The following LRRTM4 variants were observed in gnomAD, a reference collection of about 807,000 sequenced individuals.
LRRTM4 encodes the protein leucine-rich repeat transmembrane neuronal protein 4.
Under a neutral mutation model 47.6 loss-of-function variants are expected in LRRTM4, and 25 were observed. The ratio of observed to expected loss-of-function variants is 0.53; its 90% CI spans 0.38 to 0.73. LRRTM4 has a LOEUF of 0.73. Ranked by LOEUF, LRRTM4 falls within the 30% of genes least tolerant of loss-of-function variation. The pLI is 0.00. For synonymous variants in LRRTM4, 311 were observed against 269.5 expected (o/e 1.15, Z -1.51); for missense variants, 638 against 713.4 (o/e 0.89, Z 1.20).
intron 3 of LRRTM4, among the ~76,000 whole-genome samples, chr2:76,759,111 T>C (rs1673162960): frequency 6.6e-6 from 1 of 152,188 alleles, no homozygotes; most frequent in Non-Finnish European, 1.5e-5. Flanking sequence ...TTAGGCCTTG[T>C]GCTAGGAGCT....
intron 3 of LRRTM4, among the ~76,000 whole-genome samples, chr2:76,956,889 C>T (rs1263158157): frequency 6.6e-6 from 1 of 151,062 alleles, no homozygotes; most frequent in African/African-American, 2.4e-5. Flanking sequence ...GACTGAATTA[C>T]AAAGAAAATT....
intron 3 of LRRTM4, among the ~76,000 whole-genome samples, chr2:77,503,665 G>C: frequency 6.6e-6 from 1 of 151,460 alleles, no homozygotes; most frequent in Admixed American, 6.6e-5. Flanking sequence ...GATGGAATAA[G>C]AGAATACCAC....
intron 3 of LRRTM4, among the ~76,000 whole-genome samples, chr2:77,178,265 A>C (rs1035349491): frequency 6.6e-6 from 1 of 152,144 alleles, no homozygotes; most frequent in Non-Finnish European, 1.5e-5. Flanking sequence ...AATATGTATA[A>C]ATTTGAAATA....
intron 3 of LRRTM4, among the ~76,000 whole-genome samples, chr2:76,976,041 C>A (rs912603635): frequency 2.6e-5 from 4 of 151,688 alleles, no homozygotes; most frequent in African/African-American, 9.7e-5. Flanking sequence ...TGAATTATAA[C>A]TTTCCTTATG....
chr2:76,946,682 C>G (rs1041028743), intron 3 of LRRTM4, among the ~76,000 whole-genome samples: 1 of 151,740 alleles, frequency 6.6e-6, no homozygotes, highest in African/African-American at 2.4e-5. Flanking sequence ...TAAAGCCTAG[C>G]CAGTTTCCAC....
chr2:77,468,399 A>G (rs552343526), intron 3 of LRRTM4, among the ~76,000 whole-genome samples: 1 of 152,326 alleles, frequency 6.6e-6, no homozygotes, highest in East Asian at 1.9e-4. Context: ...CCTGTCTACA[A>G]GAAGACAAGA....
At chr2:77,498,246 A>C (rs1054300612) in intron 3 of LRRTM4, among the ~76,000 whole-genome samples, 1 of 151,796 alleles carries the variant, frequency 6.6e-6, no homozygotes, top group Non-Finnish European at 1.5e-5. Context: ...CTCCCATATA[A>C]TAGAGGAAAA....
chr2:77,346,257 T>A (rs925647858), intron 3 of LRRTM4, among the ~76,000 whole-genome samples: 2 of 152,128 alleles, frequency 1.3e-5, no homozygotes, highest in African/African-American at 4.8e-5. Flanking sequence ...AAAGTGGTAC[T>A]TGGTGAGGTG....
At position 77,391,639 on chromosome 2, in the gene LRRTM4, C is replaced by T. The variant is rs553199269; in HGVS notation, c.1551+126679G>A. ...TGGAAAGAAACATCATTCACTATAG[C>T]CAAGATATGGAATCAACCCAAATGT... On this transcript the variant is annotated intron_variant, in intron 3 of 3. Coordinates refer to ENST00000409884, the MANE Select transcript of LRRTM4 (RefSeq NM_001134745.3). Among the ~76,000 whole-genome samples, 123 of 151,972 alleles carry T rather than the reference C, an allele frequency of 8.1e-4. 1 individual carries two copies. The highest frequency in any genetic ancestry group is 2.9e-3 in the African/African-American group (119 of 41,478).
chr2:77,295,987 GT>G (rs1176731710), intron 3 of LRRTM4, among the ~76,000 whole-genome samples: 2 of 152,256 alleles, frequency 1.3e-5, no homozygotes, highest in East Asian at 1.9e-4. Flanking sequence ...GAATATATTT[GT>G]TTCCAGTGCT....
intron 3 of LRRTM4, among the ~76,000 whole-genome samples, chr2:77,146,709 A>G (rs76066048): frequency 0.063 from 9,549 of 152,182 alleles, 710 homozygotes; most frequent in East Asian, 0.18. Context: ...ACATTTTGCT[A>G]TTTCACTCTA....
intron 3 of LRRTM4, among the ~76,000 whole-genome samples, chr2:77,325,702 A>T (rs1250933662): frequency 2.6e-5 from 4 of 152,138 alleles, no homozygotes; most frequent in Non-Finnish European, 5.9e-5. Flanking sequence ...AAATAATATC[A>T]AGTACTTTCA....
At chr2:77,410,182 T>C (rs1249413373) in intron 3 of LRRTM4, among the ~76,000 whole-genome samples, 1 of 151,978 alleles carries the variant, frequency 6.6e-6, no homozygotes, top group Non-Finnish European at 1.5e-5. Flanking sequence ...AGAAGAGAAA[T>C]CTACAGATAA....
chr2:77,497,106 A>C (rs1412782952), intron 3 of LRRTM4, among the ~76,000 whole-genome samples: 1 of 151,636 alleles, frequency 6.6e-6, no homozygotes, highest in African/African-American at 2.4e-5. Flanking sequence ...ATATTCTCTT[A>C]CTATGCTTTT....
At chr2:76,919,944 A>G (rs1482667080) in intron 3 of LRRTM4, among the ~76,000 whole-genome samples, 1 of 152,112 alleles carries the variant, frequency 6.6e-6, no homozygotes, top group Non-Finnish European at 1.5e-5. Flanking sequence ...CAATCGGAAG[A>G]CATTCTCATA....
chr2:76,933,291 C>G (rs1275361441), intron 3 of LRRTM4, among the ~76,000 whole-genome samples: 1 of 152,040 alleles, frequency 6.6e-6, no homozygotes, highest in Non-Finnish European at 1.5e-5. Flanking sequence ...TATGTTACCC[C>G]TTTCTACTAT....
intron 3 of LRRTM4, among the ~76,000 whole-genome samples, chr2:76,798,430 C>T (rs1357519495): frequency 2.0e-5 from 3 of 151,154 alleles, no homozygotes; most frequent in East Asian, 1.9e-4. Context: ...ATACCAGAAT[C>T]TCTGGGACGC....
intron 3 of LRRTM4, among the ~76,000 whole-genome samples, chr2:76,809,879 C>T (rs1445936528): frequency 6.6e-6 from 1 of 151,996 alleles, no homozygotes; most frequent in Admixed American, 6.6e-5. Context: ...GATGTTAGAC[C>T]TTTCCCAAGA....
intron 3 of LRRTM4, among the ~76,000 whole-genome samples, chr2:76,815,720 C>T (rs1457950033): frequency 2.0e-5 from 3 of 151,844 alleles, no homozygotes; most frequent in East Asian, 1.9e-4. Flanking sequence ...AAGCATTAAA[C>T]GTAGCAGAGA....
Sources: allele counts gnomAD v4.1 joint callset (sites outside exome capture counted in the v4.1 genomes callset), GRCh38; gene constraint gnomAD v4.1.1; transcripts MANE v1.5; gene names NCBI Gene and HGNC (gene_info 2026-07-23, HGNC 2026-07-21).